The following CPA6 variants were observed in gnomAD, a reference collection of about 807,000 sequenced individuals.
CPA6 encodes carboxypeptidase B.
CPA6 carries 58 observed loss-of-function variants against 63.3 expected under a neutral mutation model. The observed-to-expected ratio is 0.92, with a 90% confidence interval of 0.74 to 1.14. The LOEUF is 1.14. CPA6 is among the 50% of genes most tolerant of loss of function. CPA6 has a pLI of 0.00. For synonymous variants in CPA6, 185 were observed against 179.0 expected (o/e 1.03, Z -0.27); for missense variants, 565 against 526.6 (o/e 1.07, Z -0.71).
chr8:67,560,771 C>T (rs1168037475), intron 2 of CPA6, among the ~76,000 whole-genome samples: 1 of 152,108 alleles, frequency 6.6e-6, no homozygotes, highest in Non-Finnish European at 1.5e-5. Context: ...TGCTAGGCCA[C>T]CTCCCATTTC....
At chr8:67,663,071 C>T (rs567540325) in intron 1 of CPA6, among the ~76,000 whole-genome samples, 1 of 152,266 alleles carries the variant, frequency 6.6e-6, no homozygotes, top group Admixed American at 6.5e-5. Context: ...ATGGCAATTC[C>T]CTACCTACTA....
At chr8:67,616,796 A>G (rs1237524278) in intron 2 of CPA6, among the ~76,000 whole-genome samples, 1 of 152,144 alleles carries the variant, frequency 6.6e-6, no homozygotes, top group Non-Finnish European at 1.5e-5. Context: ...GTGACTCCCA[A>G]GTAAATAAGC....
At chr8:67,615,493 A>G (rs1208328890) in intron 2 of CPA6, among the ~76,000 whole-genome samples, 1 of 151,540 alleles carries the variant, frequency 6.6e-6, no homozygotes, top group Non-Finnish European at 1.5e-5. Context: ...AATTGCAAGG[A>G]TGAATAAAAA....
intron 1 of CPA6, among the ~76,000 whole-genome samples, chr8:67,709,581 TAG>T (rs1279120611): frequency 1.3e-5 from 2 of 152,214 alleles, no homozygotes; most frequent in African/African-American, 2.4e-5. Flanking sequence ...GTAAAATTTT[TAG>T]AGTTTGATTC....
chr8:67,538,512 G>GTT lies in CPA6; in HGVS notation c.193-20467_193-20466dup, dbSNP rs139665944. On this transcript the variant is annotated intron_variant, in intron 2 of 10. Transcript: ENST00000297770. Reference sequence around the variant, plus strand: ...ATCAGAGACTAGGATTGCAACCCCTGTTTTTTTTTTTTTTTTTTTTTGCTT... The same window carrying GTT: ...ATCAGAGACTAGGATTGCAACCCCTGTTTTTTTTTTTTTTTTTTTTTTTGCTT... Among the ~76,000 whole-genome samples, 84 of 90,786 alleles carry GTT rather than the reference G, an allele frequency of 9.3e-4. 3 individuals carry two copies. The highest frequency in any genetic ancestry group is 2.7e-3 in the African/African-American group (63 of 23,038). The allele number at this position is 90,786 out of a possible 152,430, so 59.6% of individuals were successfully genotyped here. A position where few individuals can be genotyped will look rare whatever the true frequency, so the allele number is the denominator to read the frequency against.
At chr8:67,654,601 A>AT (rs1382058872) in intron 1 of CPA6, among the ~76,000 whole-genome samples, 1 of 152,052 alleles carries the variant, frequency 6.6e-6, no homozygotes, top group African/African-American at 2.4e-5. Flanking sequence ...CCCCTTTATC[A>AT]TTTTTTATTG....
intron 6 of CPA6, among the ~76,000 whole-genome samples, chr8:67,486,321 A>T (rs1811475438): frequency 6.6e-6 from 1 of 152,256 alleles, no homozygotes. Flanking sequence ...CAAGATTATA[A>T]TGGAACATGT....
At position 67,526,266 on chromosome 8, in the gene CPA6, AC is replaced by A. The variant is rs142302695; in HGVS notation, c.193-8220del. On this transcript the variant is annotated intron_variant, in intron 2 of 10. Coordinates refer to ENST00000297770, the MANE Select transcript of CPA6 (RefSeq NM_020361.5). ...TAATTTTATCTAGAAGGTGGGAGAA[AC>A]AAAATGGGTCTAAAACTGTAATTGG... Among the ~76,000 whole-genome samples, 1,059 of 152,328 alleles carry A rather than the reference AC, an allele frequency of 7.0e-3. 9 individuals carry two copies. The highest frequency in any genetic ancestry group is 0.024 in the African/African-American group (988 of 41,574).
chr8:67,639,267 G>A (rs1242766398), intron 1 of CPA6, among the ~76,000 whole-genome samples: 2 of 151,620 alleles, frequency 1.3e-5, no homozygotes, highest in Non-Finnish European at 1.5e-5. Flanking sequence ...TGTGGCCAGT[G>A]GTGCCTTTGC....
chr8:67,743,764 G>C (rs1407109141), intron 1 of CPA6, among the ~76,000 whole-genome samples: 1 of 152,024 alleles, frequency 6.6e-6, no homozygotes, highest in East Asian at 1.9e-4. Context: ...GAGGCATGCT[G>C]GTCTGCCCTG....
chr8:67,722,404 T>A (rs1320712672), intron 1 of CPA6, among the ~76,000 whole-genome samples: 4 of 152,332 alleles, frequency 2.6e-5, no homozygotes, highest in Middle Eastern at 3.4e-3. Flanking sequence ...TTACATTTTT[T>A]AAATCTGCAG....
intron 2 of CPA6, among the ~76,000 whole-genome samples, chr8:67,595,215 G>C (rs895070683): frequency 5.9e-5 from 9 of 152,194 alleles, no homozygotes; most frequent in African/African-American, 2.2e-4. Flanking sequence ...ATCCATGAAT[G>C]CTGCTGTCTG....
intron 2 of CPA6, among the ~76,000 whole-genome samples, chr8:67,545,848 C>T (rs1812807529): frequency 6.6e-6 from 1 of 152,176 alleles, no homozygotes; most frequent in South Asian, 2.1e-4. Context: ...CAGGCGTGAA[C>T]TACCTCGCCT....
At chr8:67,469,801 TATAC>T (rs2128958723) in intron 8 of CPA6, among the ~76,000 whole-genome samples, 1 of 152,264 alleles carries the variant, frequency 6.6e-6, no homozygotes, top group South Asian at 2.1e-4. Flanking sequence ...TGTCTCTCTC[TATAC>T]ATCCAATTGG....
chr8:67,687,611 C>A (rs1816732848), intron 1 of CPA6, among the ~76,000 whole-genome samples: 1 of 151,920 alleles, frequency 6.6e-6, no homozygotes, highest in South Asian at 2.1e-4. Context: ...AGTGCTGTGC[C>A]TCATATTTAG....
At chr8:67,692,328 C>CAAAAAAAA (rs55676882) in intron 1 of CPA6, among the ~76,000 whole-genome samples, 21 of 89,880 alleles carry the variant, frequency 2.3e-4, no homozygotes, top group East Asian at 6.9e-4. Flanking sequence ...AATCCTGTCT[C>CAAAAAAAA]AAAAAAAAAA....
intron 2 of CPA6, among the ~76,000 whole-genome samples, chr8:67,587,241 C>T (rs1179890592): frequency 6.6e-6 from 1 of 152,074 alleles, no homozygotes; most frequent in Non-Finnish European, 1.5e-5. Context: ...GAAGTATCTC[C>T]TTTCGACTAC....
chr8:67,605,270 C>T (rs1814602597), intron 2 of CPA6, among the ~76,000 whole-genome samples: 1 of 152,010 alleles, frequency 6.6e-6, no homozygotes, highest in Admixed American at 6.6e-5. Context: ...AGTTCTCAGT[C>T]TGTGTTAGAT....
chr8:67,505,526 A>C (rs1395750259), intron 6 of CPA6, among the ~76,000 whole-genome samples: 2 of 152,138 alleles, frequency 1.3e-5, no homozygotes, highest in Non-Finnish European at 2.9e-5. Context: ...TTTTTTTTTA[A>C]CCTGAAATAG....
Sources: gnomAD v4.1 joint callset for allele counts (sites outside exome capture counted in the v4.1 genomes callset) on GRCh38, gnomAD v4.1.1 for gene constraint, MANE v1.5 for transcripts, NCBI Gene and HGNC (gene_info 2026-07-23, HGNC 2026-07-21) for gene names.